RGS10: variants seen among roughly 807,000 people sequenced by gnomAD.
The protein encoded by RGS10 is regulator of G protein signaling 10, also known as regulator of G-protein signalling 10.
A neutral mutation model predicts 23.5 loss-of-function variants in RGS10; 11 were observed. That is an observed-to-expected ratio of 0.47 (90% CI 0.29 to 0.77). The LOEUF (loss-of-function observed/expected upper bound fraction) is 0.77, where lower values mean the gene tolerates loss of function less well. RGS10 is among the 30% of genes least tolerant of loss of function. The pLI is 0.08. For synonymous variants in RGS10, 77 were observed against 83.2 expected, an observed-to-expected ratio of 0.92 and a Z score of 0.41; for missense variants, 180 against 226.3, an observed-to-expected ratio of 0.80 and a Z score of 1.31.
chr10:119,532,250 A>G (rs1470060419), intron 1 of RGS10, among the ~76,000 whole-genome samples: 2 of 152,216 alleles, frequency 1.3e-5, no homozygotes, highest in Non-Finnish European at 2.9e-5. Flanking sequence ...TTGATGAGAC[A>G]GCATTTGCAA....
Position 119,538,776 on chromosome 10 carries a change from G to T in RGS10, c.49+3814C>A, listed in dbSNP as rs1266645334. On this transcript the variant is annotated intron_variant, in intron 1 of 4. Coordinates refer to ENST00000369103, the MANE Select transcript of RGS10 (RefSeq NM_001005339.2). This position sits in a 1 kb window ranked among gnomAD's most constrained non-coding sequence, Gnocchi z 4.5. ...GGGGCCACTGCTGCTGCCTGCTGGG[G>T]CCCCCTCCGCTCCTGCTGCCACCCG... Among the ~76,000 whole-genome samples, 1 of 152,114 alleles carries T rather than the reference G, an allele frequency of 6.6e-6. No homozygotes were observed. The highest frequency in any genetic ancestry group is 6.5e-5 in the Admixed American group (1 of 15,274).
At chr10:119,525,777 A>C (rs1157655843) in intron 3 of RGS10, among the ~76,000 whole-genome samples, 2 of 152,234 alleles carry the variant, frequency 1.3e-5, no homozygotes. Context: ...AATTCTATGC[A>C]ATGAGGAACT....
At chr10:119,532,429 C>T (rs7076994) in intron 1 of RGS10, among the ~76,000 whole-genome samples, 23,454 of 152,104 alleles carry the variant, frequency 0.15, 2,457 homozygotes, top group African/African-American at 0.29. Flanking sequence ...AGCTCAGTTA[C>T]GACCCGTGGG....
At chr10:119,540,196 A>G (rs1844423795) in intron 1 of RGS10, among the ~76,000 whole-genome samples, 2 of 152,172 alleles carry the variant, frequency 1.3e-5, no homozygotes, top group South Asian at 4.1e-4. Context: ...GTACCAATCC[A>G]TGATGTTTAG....
chr10:119,537,534 T>TA (rs1265558874), intron 1 of RGS10, among the ~76,000 whole-genome samples: 1 of 152,144 alleles, frequency 6.6e-6, no homozygotes, highest in African/African-American at 2.4e-5. Context: ...AATAATTTGC[T>TA]ACAAAGAAGC....
At chr10:119,504,108 C>T (rs559743600) in intron 4 of RGS10, among the ~76,000 whole-genome samples, 4 of 152,308 alleles carry the variant, frequency 2.6e-5, no homozygotes, top group South Asian at 2.1e-4. Flanking sequence ...GAAAACTGCC[C>T]GTGAATGTTA....
intron 4 of RGS10, among the ~76,000 whole-genome samples, chr10:119,503,220 T>G (rs944513809): frequency 6.6e-6 from 1 of 151,800 alleles, no homozygotes; most frequent in African/African-American, 2.4e-5. Context: ...CCACCTGTAG[T>G]CCCAGCTACT....
At chr10:119,534,528 T>G (rs1209797505) in intron 1 of RGS10, among the ~76,000 whole-genome samples, 1 of 144,362 alleles carries the variant, frequency 6.9e-6, no homozygotes, top group African/African-American at 2.6e-5. Flanking sequence ...GAGGCGGAGG[T>G]TGCAGTCAGC....
chr10:119,515,347 G>T, intron 4 of RGS10, 162 bp downstream of exon 4: 1 of 774,774 alleles, frequency 1.3e-6, no homozygotes, highest in Non-Finnish European at 2.1e-6. Flanking sequence ...TAGAATTCTG[G>T]TCCCCACTCT....
chr10:119,537,958 G>A (rs1844404639), intron 1 of RGS10, among the ~76,000 whole-genome samples: 1 of 152,178 alleles, frequency 6.6e-6, no homozygotes, highest in Non-Finnish European at 1.5e-5. Flanking sequence ...CTCTCCCCAG[G>A]AGCGACAACC....
At chr10:119,502,114 T>C (rs1020979575) in intron 4 of RGS10, among the ~76,000 whole-genome samples, 1 of 152,022 alleles carries the variant, frequency 6.6e-6, no homozygotes, top group African/African-American at 2.4e-5. Flanking sequence ...GGTGTGATTG[T>C]AATTTGCTGA....
At chr10:119,525,755 C>A (rs757146798) in intron 3 of RGS10, among the ~76,000 whole-genome samples, 5 of 152,128 alleles carry the variant, frequency 3.3e-5, no homozygotes, top group Non-Finnish European at 7.4e-5. Flanking sequence ...ATAACTTATT[C>A]ATGAAGAAAA....
Position 119,518,273 on chromosome 10 carries a change from A to T in RGS10, c.256-2621T>A, listed in dbSNP as rs567563258. Among the ~76,000 whole-genome samples the T allele has an allele frequency of 2.6e-4, 39 of 152,258 alleles. No homozygotes were observed. The South Asian group carries it at 7.7e-3, about 30-fold the overall frequency. On this transcript the variant is annotated intron_variant, in intron 3 of 4. Transcript: ENST00000369103. ...CCAGAGAGCCCCTTTCTCCCTGGGG[A>T]GACCTGAAGTGTCCAGCATCTGAGG...
rs2133956075 is a variant in RGS10 at position 119,525,621 on chromosome 10, A to G, written c.255+411T>C. Among the ~76,000 whole-genome samples, 2 of 152,358 alleles carry G rather than the reference A, an allele frequency of 1.3e-5. 1 individual carries two copies. The highest frequency in any genetic ancestry group is 4.2e-4 in the South Asian group (2 of 4,818). On this transcript the variant is annotated intron_variant, in intron 3 of 4. Coordinates refer to ENST00000369103, the MANE Select transcript of RGS10 (RefSeq NM_001005339.2). ...GATGCTCGCCAACTATGGGACGCTC[A>G]GTACGATACACTGAATAATTGACAA...
At chr10:119,520,020 C>G (rs1844195281) in intron 3 of RGS10, among the ~76,000 whole-genome samples, 1 of 152,170 alleles carries the variant, frequency 6.6e-6, no homozygotes, top group Non-Finnish European at 1.5e-5. Flanking sequence ...GCCCTGTAGC[C>G]CCTACTCTGG....
intron 4 of RGS10, among the ~76,000 whole-genome samples, chr10:119,504,142 A>C (rs967579593): frequency 3.9e-5 from 6 of 152,178 alleles, no homozygotes; most frequent in Non-Finnish European, 7.3e-5. Context: ...AAATTTTAAA[A>C]ACACACCCTA....
At chr10:119,532,984 G>A (rs1589842246) in intron 1 of RGS10, among the ~76,000 whole-genome samples, 1 of 148,534 alleles carries the variant, frequency 6.7e-6, no homozygotes, top group East Asian at 2.0e-4. Context: ...AAACTACAGT[G>A]AGCCGATATT....
At chr10:119,522,549 C>T (rs1268826662) in intron 3 of RGS10, among the ~76,000 whole-genome samples, 1 of 152,106 alleles carries the variant, frequency 6.6e-6, no homozygotes, top group Non-Finnish European at 1.5e-5. Context: ...TGAAACCCAT[C>T]TCTACTAAAA....
chr10:119,502,629 G>C (rs1229559926), intron 4 of RGS10, among the ~76,000 whole-genome samples: 3 of 152,198 alleles, frequency 2.0e-5, no homozygotes, highest in African/African-American at 7.2e-5. Context: ...GCTTCGGCTG[G>C]GAGGAAGCTC....
Sources: gnomAD v4.1 joint callset for allele counts (sites outside exome capture counted in the v4.1 genomes callset) on GRCh38, gnomAD v4.1.1 for gene constraint, Gnocchi (gnomAD v3.1) non-coding constraint, MANE v1.5 for transcripts, NCBI Gene and HGNC (gene_info 2026-07-23, HGNC 2026-07-21) for gene names.